The following LRP1B variants were observed in gnomAD, a reference collection of about 807,000 sequenced individuals.
LRP1B encodes the protein low-density lipoprotein receptor-related protein 1B.
Under a neutral mutation model 556.6 loss-of-function variants are expected in LRP1B, and 217 were observed. The observed-to-expected ratio is 0.39, with a 90% CI of 0.35 to 0.44. The LOEUF (loss-of-function observed/expected upper bound fraction) is 0.44, where lower values mean the gene tolerates loss of function less well. Among genes scored for constraint, LRP1B ranks in the 20% least tolerant of loss-of-function variants. The pLI, the probability that LRP1B is intolerant of heterozygous loss-of-function variation, is 1.00. For synonymous variants in LRP1B, 2,047 were observed against 1,865.8 expected, an observed-to-expected ratio of 1.10 and a Z score of -2.50; for missense variants, 5,053 against 5,620.8, an observed-to-expected ratio of 0.90 and a Z score of 3.23.
intron 2 of LRP1B, among the ~76,000 whole-genome samples, chr2:141,609,018 A>G (rs965528261): frequency 2.6e-5 from 4 of 152,144 alleles, no homozygotes; most frequent in Admixed American, 2.0e-4. Context: ...TATTTTCTCA[A>G]TTTTTTGTGC....
At chr2:141,295,053 C>T (rs1250041677) in intron 3 of LRP1B, among the ~76,000 whole-genome samples, 1 of 151,876 alleles carries the variant, frequency 6.6e-6, no homozygotes, top group East Asian at 1.9e-4. Context: ...ATAACATCTA[C>T]CTTCATGAAT....
At chr2:140,672,463 G>A (rs113641931) in intron 41 of LRP1B, among the ~76,000 whole-genome samples, 2,662 of 111,768 alleles carry the variant, frequency 0.024, 87 homozygotes, top group African/African-American at 0.091. Context: ...CAGCCTGGGT[G>A]ACAGAATGAG....
chr2:140,575,650 G>T (rs1209401883), intron 43 of LRP1B, among the ~76,000 whole-genome samples: 1 of 152,090 alleles, frequency 6.6e-6, no homozygotes, highest in African/African-American at 2.4e-5. Context: ...CAGGCTGGGC[G>T]CTGTGGTTCA....
chr2:141,628,673 G>A (rs1255171480), intron 2 of LRP1B, among the ~76,000 whole-genome samples: 2 of 151,882 alleles, frequency 1.3e-5, no homozygotes, highest in South Asian at 2.1e-4. Context: ...TTTTGAAATA[G>A]GGTCTCACTC....
chr2:141,444,375 A>C (rs1418744792), intron 3 of LRP1B, among the ~76,000 whole-genome samples: 6 of 152,160 alleles, frequency 3.9e-5, no homozygotes, highest in Non-Finnish European at 4.4e-5. Context: ...TGTCATCTCA[A>C]ATAGAGATAA....
intron 3 of LRP1B, among the ~76,000 whole-genome samples, chr2:141,416,761 T>C (rs927988446): frequency 6.6e-6 from 1 of 152,162 alleles, no homozygotes; most frequent in South Asian, 2.1e-4. Flanking sequence ...TACATCTCCA[T>C]CAGGAGTTCT....
chr2:140,290,553 T>C (rs937992221), intron 84 of LRP1B, among the ~76,000 whole-genome samples: 11 of 152,112 alleles, frequency 7.2e-5, no homozygotes, highest in Non-Finnish European at 1.5e-4. Flanking sequence ...TATGGGTACT[T>C]TCACTTTCCA....
chr2:140,258,192 ATAAT>A, intron 86 of LRP1B, among the ~76,000 whole-genome samples: 1 of 152,242 alleles, frequency 6.6e-6, no homozygotes, highest in African/African-American at 2.4e-5. Flanking sequence ...ACTTAATAAA[ATAAT>A]TAGATTGGAA....
At position 141,633,649 on chromosome 2, in the gene LRP1B, A is replaced by G. The variant is rs556738825; in HGVS notation, c.206-153116T>C. 4.6e-5 allele frequency among the ~76,000 whole-genome samples: 7 copies of G among 152,184 alleles called. No homozygotes were observed. In the South Asian group the frequency reaches 1.2e-3, roughly 27 times the overall value. Reference sequence around the variant, plus strand: ...TTACCATTGTAACCATTTTAAGTATACTATTCAGTAGCATTAAGTACATTC... The same window carrying G: ...TTACCATTGTAACCATTTTAAGTATGCTATTCAGTAGCATTAAGTACATTC... On this transcript the variant is annotated intron_variant, in intron 2 of 90. Coordinates refer to ENST00000389484, the MANE Select transcript of LRP1B (RefSeq NM_018557.3).
chr2:142,039,671 G>A (rs774899700), intron 1 of LRP1B, among the ~76,000 whole-genome samples: 20 of 151,524 alleles, frequency 1.3e-4, no homozygotes, highest in Non-Finnish European at 2.4e-4. Flanking sequence ...TGACTAGTGG[G>A]TCAGGGAAAA....
chr2:141,638,379 C>CT, intron 2 of LRP1B, among the ~76,000 whole-genome samples: 1 of 151,938 alleles, frequency 6.6e-6, no homozygotes. Flanking sequence ...AACTAAATCT[C>CT]TTTTTTTGTT....
At chr2:140,506,321 T>A (rs1309201468) in intron 53 of LRP1B, among the ~76,000 whole-genome samples, 1 of 147,670 alleles carries the variant, frequency 6.8e-6, no homozygotes, top group African/African-American at 2.5e-5. Flanking sequence ...CTCGGCTCAC[T>A]GCGACCTCTA....
chr2:141,747,192 A>G (rs1004092833), intron 2 of LRP1B, among the ~76,000 whole-genome samples: 1 of 152,202 alleles, frequency 6.6e-6, no homozygotes, highest in African/African-American at 2.4e-5. Flanking sequence ...AATTACCACA[A>G]GTTGATATGG....
At chr2:140,260,793 C>A (rs13005209) in intron 86 of LRP1B, among the ~76,000 whole-genome samples, 56,730 of 151,578 alleles carry the variant, frequency 0.37, 12,443 homozygotes, top group Non-Finnish European at 0.51. Context: ...AATTCCATAT[C>A]CCTCTTTTCT....
chr2:141,622,436 C>A (rs546197394), intron 2 of LRP1B, among the ~76,000 whole-genome samples: 1 of 152,248 alleles, frequency 6.6e-6, no homozygotes, highest in South Asian at 2.1e-4. Flanking sequence ...ATGTCAATTA[C>A]TGTACTCAAC....
intron 41 of LRP1B, among the ~76,000 whole-genome samples, chr2:140,653,051 G>A (rs140134816): frequency 1.4e-3 from 219 of 152,136 alleles, no homozygotes; most frequent in African/African-American, 4.9e-3. Flanking sequence ...CAGACCAAAA[G>A]AATGAAATGT....
intron 12 of LRP1B, among the ~76,000 whole-genome samples, chr2:141,019,167 G>A (rs555628417): frequency 1.1e-4 from 16 of 151,964 alleles, no homozygotes; most frequent in Admixed American, 7.9e-4. Flanking sequence ...AGGTAATAGC[G>A]CTGATTAAAA....
intron 7 of LRP1B, among the ~76,000 whole-genome samples, chr2:141,098,718 C>T (rs1700385053): frequency 6.6e-6 from 1 of 152,188 alleles, no homozygotes; most frequent in South Asian, 2.1e-4. Flanking sequence ...GGTGCGATGG[C>T]ACGATCTTGG....
At chr2:141,599,072 C>T (rs1574123762) in intron 2 of LRP1B, among the ~76,000 whole-genome samples, 1 of 92,850 alleles carries the variant, frequency 1.1e-5, no homozygotes, top group Non-Finnish European at 2.2e-5. Context: ...CCCCCCCCCC[C>T]CCGCTTTAAC....
Sources: gnomAD v4.1 joint callset for allele counts (sites outside exome capture counted in the v4.1 genomes callset) on GRCh38, gnomAD v4.1.1 for gene constraint, MANE v1.5 for transcripts, NCBI Gene and HGNC (gene_info 2026-07-23, HGNC 2026-07-21) for gene names.